TRIM67: variants seen among roughly 807,000 people sequenced by gnomAD.
TRIM67 encodes tripartite motif-containing protein 67.
A neutral mutation model predicts 71.0 loss-of-function variants in TRIM67; 39 were observed. The ratio of observed to expected loss-of-function variants is 0.55; its 90% CI spans 0.43 to 0.72. The LOEUF (loss-of-function observed/expected upper bound fraction) is 0.72. Among genes scored for constraint, TRIM67 ranks in the 30% least tolerant of loss-of-function variants. The pLI is 0.00. For missense variants in TRIM67, 973 were observed against 1,079.2 expected (o/e 0.90, Z 1.38); for synonymous variants, 481 against 473.9 (o/e 1.01, Z -0.19).
At chr1:231,197,610 G>A (rs1683402549) in intron 2 of TRIM67, 144 bp downstream of exon 2, 1 of 639,038 alleles carries the variant, frequency 1.6e-6, no homozygotes. Context: ...CAGATCACCT[G>A]AGATTGGGAG....
Position 231,209,347 on chromosome 1 carries a change from A to T in TRIM67, c.2123+97A>T, listed in dbSNP as rs1683802615. On this transcript the variant is annotated intron_variant, in intron 8 of 9. Coordinates refer to ENST00000366653, the MANE Select transcript of TRIM67 (RefSeq NM_001004342.5). This position sits in a 1 kb window ranked among gnomAD's most constrained non-coding sequence, Gnocchi z 4.1. ...CCCTTCTGCTGTCCCCAAAGCCAGG[A>T]GGAATTGAGAGGAGGTATTTTCAGC... The T allele has an allele frequency of 3.0e-6, 4 of 1,320,006 alleles. No homozygotes were observed. The highest frequency in any genetic ancestry group is 4.0e-6 in the Non-Finnish European group (4 of 990,740). The allele number at this position is 1,320,006 out of a possible 1,614,324, so 81.8% of individuals were successfully genotyped here.
chr1:231,184,405 C>T (rs1382782452), intron 1 of TRIM67: 2 of 152,492 alleles, frequency 1.3e-5, no homozygotes, highest in Admixed American at 6.5e-5. Context: ...TAAGAAGGCC[C>T]CAACATTGAG....
At chr1:231,214,186 C>T (rs545982419) in intron 9 of TRIM67, among the ~76,000 whole-genome samples, 2 of 152,332 alleles carry the variant, frequency 1.3e-5, no homozygotes, top group African/African-American at 4.8e-5. Context: ...CCTAAGGTGG[C>T]AGCTTCTGGA....
At chr1:231,187,779 C>T (rs758749045) in intron 1 of TRIM67, among the ~76,000 whole-genome samples, 7 of 152,172 alleles carry the variant, frequency 4.6e-5, no homozygotes, top group Non-Finnish European at 1.0e-4. Context: ...CTGATCCACG[C>T]CAGGCACAAA....
chr1:231,206,501 C>T, intron 6 of TRIM67, 151 bp from the exon 7 acceptor site: 1 of 688,608 alleles, frequency 1.5e-6, no homozygotes, highest in Non-Finnish European at 2.2e-6. Context: ...CCAGGCTGGA[C>T]TCAAGCGATG....
intron 3 of TRIM67, among the ~76,000 whole-genome samples, chr1:231,199,629 C>T (rs574039622): frequency 6.6e-6 from 1 of 152,358 alleles, no homozygotes; most frequent in East Asian, 1.9e-4. Flanking sequence ...GAGTCCCTAA[C>T]TCAGCCAGGC....
intron 1 of TRIM67, chr1:231,186,191 G>C (rs1307865048): frequency 1.3e-6 from 2 of 1,527,944 alleles, no homozygotes; most frequent in African/African-American, 1.4e-5. Context: ...AATCACAGCA[G>C]TGGAACTCTT....
At chr1:231,202,201 C>T (rs1683564884) in intron 5 of TRIM67, among the ~76,000 whole-genome samples, 1 of 149,206 alleles carries the variant, frequency 6.7e-6, no homozygotes, top group Non-Finnish European at 1.5e-5. Flanking sequence ...GAGGTGGTGG[C>T]TGAGATAGTG....
At chr1:231,208,044 CTG>C (rs996893579) in intron 7 of TRIM67, among the ~76,000 whole-genome samples, 5 of 147,860 alleles carry the variant, frequency 3.4e-5, no homozygotes, top group Non-Finnish European at 7.4e-5. Context: ...AAGTCCCACT[CTG>C]TTGCCCAGGC....
chr1:231,215,635 C>G lies in TRIM67; in HGVS notation c.*195C>G. ...GTCCACGGGCCATGCTCACAGCTGCCACTGTCAGTGGCAAAGGAAGGTACG... is the reference window on the plus strand; with the variant it reads ...GTCCACGGGCCATGCTCACAGCTGCGACTGTCAGTGGCAAAGGAAGGTACG... On this transcript the variant is annotated 3_prime_UTR_variant, in exon 10 of 10. Coordinates refer to ENST00000366653, the MANE Select transcript of TRIM67 (RefSeq NM_001004342.5). The G allele has an allele frequency of 7.4e-7, 1 of 1,344,832 alleles. No individual in the cohort carries two copies. The highest frequency in any genetic ancestry group is 9.6e-7 in the Non-Finnish European group (1 of 1,046,492). 83.3% of individuals were successfully genotyped at this position (1,344,832 alleles called of 1,614,324 possible). A position where few individuals can be genotyped will look rare whatever the true frequency, so the allele number is the denominator to read the frequency against.
chr1:231,168,243 C>T (rs539794168), intron 1 of TRIM67, among the ~76,000 whole-genome samples: 3 of 152,288 alleles, frequency 2.0e-5, no homozygotes, highest in East Asian at 1.9e-4. Context: ...CCTGGGATCA[C>T]GCCTGTAGGC....
chr1:231,216,142 C>A lies in TRIM67; in HGVS notation c.*702C>A. 1 of 976,628 alleles carries A rather than the reference C, an allele frequency of 1.0e-6. No individual in the cohort carries two copies. The highest frequency in any genetic ancestry group is 1.2e-6 in the Non-Finnish European group (1 of 822,532). 60.5% of individuals were successfully genotyped at this position (976,628 alleles called of 1,614,324 possible). On this transcript the variant is annotated 3_prime_UTR_variant, in exon 10 of 10. Transcript: ENST00000366653. ...TTCCTCCATCCTTCATTTCTTCTCC[C>A]TCCCTCCTTCTCTTTCTCTCTTCTT...
intron 1 of TRIM67, among the ~76,000 whole-genome samples, chr1:231,194,464 G>A (rs1370776598): frequency 1.3e-5 from 2 of 152,112 alleles, no homozygotes; most frequent in Non-Finnish European, 2.9e-5. Context: ...GCTCGACTGG[G>A]GAAGACACAC....
chr1:231,178,556 T>A (rs1415535706), intron 1 of TRIM67, among the ~76,000 whole-genome samples: 11 of 152,212 alleles, frequency 7.2e-5, no homozygotes, highest in Non-Finnish European at 8.8e-5. Flanking sequence ...AGTGACGGTG[T>A]CCTCTTGGGG....
At chr1:231,191,238 A>AT (rs1391991474) in intron 1 of TRIM67, among the ~76,000 whole-genome samples, 1 of 151,958 alleles carries the variant, frequency 6.6e-6, no homozygotes, top group East Asian at 1.9e-4. Flanking sequence ...TAATTTTTGT[A>AT]TTTTTTGTAG....
At chr1:231,181,556 C>A (rs1682908496) in intron 1 of TRIM67, among the ~76,000 whole-genome samples, 1 of 152,224 alleles carries the variant, frequency 6.6e-6, no homozygotes, top group African/African-American at 2.4e-5. Flanking sequence ...CTCTTCTGAG[C>A]CTTGCCCTGG....
At chr1:231,213,786 G>A in intron 8 of TRIM67, 29 bp from the exon 9 acceptor site, 6 of 1,550,440 alleles carry the variant, frequency 3.9e-6, no homozygotes, top group Non-Finnish European at 5.2e-6. Flanking sequence ...TGGGTGTGGT[G>A]ATGGTCTTCC....
intron 6 of TRIM67, among the ~76,000 whole-genome samples, chr1:231,205,505 C>G (rs1260409805): frequency 1.3e-5 from 2 of 152,070 alleles, no homozygotes; most frequent in African/African-American, 4.8e-5. Flanking sequence ...GCGGATGGAT[C>G]ACTTGAGGTC....
At chr1:231,179,345 C>A (rs1334357375) in intron 1 of TRIM67, among the ~76,000 whole-genome samples, 1 of 152,238 alleles carries the variant, frequency 6.6e-6, no homozygotes, top group Non-Finnish European at 1.5e-5. Context: ...AGAGCCCATT[C>A]TACTCCAGTG....
Sources: allele counts gnomAD v4.1 joint callset (sites outside exome capture counted in the v4.1 genomes callset), GRCh38; gene constraint gnomAD v4.1.1; non-coding constraint Gnocchi (gnomAD v3.1); transcripts MANE v1.5; gene names NCBI Gene and HGNC (gene_info 2026-07-23, HGNC 2026-07-21).